The following ARL15 variants were observed in gnomAD, a reference collection of about 807,000 sequenced individuals.
The protein encoded by ARL15 is ARF like GTPase 15.
A neutral mutation model predicts 25.2 loss-of-function variants in ARL15; 19 were observed. The observed-to-expected ratio is 0.75, with a 90% CI of 0.53 to 1.10. The LOEUF is 1.10. Ranked by LOEUF, ARL15 falls within the 50% of genes least tolerant of loss-of-function variation. The pLI is 0.00. For synonymous variants in ARL15, 94 were observed against 86.8 expected, an observed-to-expected ratio of 1.08 and a Z score of -0.46; for missense variants, 220 against 246.0, an observed-to-expected ratio of 0.89 and a Z score of 0.71.
rs34358029 is a variant in ARL15, at chr5:54,017,587, GAAA to G, written c.462+95612_462+95614del. On this transcript the variant is annotated intron_variant, in intron 4 of 4. Coordinates refer to ENST00000504924, the MANE Select transcript of ARL15 (RefSeq NM_019087.3). ...TGGGGGAATCAGTGCCTTTGTGGAA[GAAA>G]AAAAAAAAAAAAAACCCAAACCAAA... is the stretch of plus-strand genomic sequence containing the variant. 4.8e-3 allele frequency among the ~76,000 whole-genome samples: 631 copies of G among 131,496 alleles called. 3 individuals carry two copies. Among genetic ancestry groups the G allele is most frequent in the African/African-American group, 0.013 (429 of 33,182 alleles). 86.3% of individuals were successfully genotyped at this position (131,496 alleles called of 152,430 possible). A position where few individuals can be genotyped will look rare whatever the true frequency, so the allele number is the denominator to read the frequency against.
At chr5:54,184,624 A>C in intron 1 of ARL15, among the ~76,000 whole-genome samples, 1 of 151,596 alleles carries the variant, frequency 6.6e-6, no homozygotes, top group Non-Finnish European at 1.5e-5. Flanking sequence ...ACAAAAAAAA[A>C]AAAAAAAAAA....
intron 4 of ARL15, among the ~76,000 whole-genome samples, chr5:54,063,781 C>T (rs1289405910): frequency 5.3e-5 from 8 of 152,116 alleles, no homozygotes; most frequent in Non-Finnish European, 1.2e-4. Flanking sequence ...TTACCACTTC[C>T]ATGTCTTGCA....
chr5:53,961,004 A>T (rs1747345525), intron 4 of ARL15, among the ~76,000 whole-genome samples: 1 of 152,148 alleles, frequency 6.6e-6, no homozygotes, highest in Non-Finnish European at 1.5e-5. Context: ...TCCAAATGTT[A>T]GGGCTCTAGG....
chr5:54,091,544 G>C (rs1489154993), intron 4 of ARL15, among the ~76,000 whole-genome samples: 2 of 152,142 alleles, frequency 1.3e-5, no homozygotes, highest in African/African-American at 4.8e-5. Context: ...AACAGATCCA[G>C]AGACTGTCTG....
chr5:53,984,311 T>C (rs952178335), intron 4 of ARL15, among the ~76,000 whole-genome samples: 7 of 152,166 alleles, frequency 4.6e-5, no homozygotes, highest in Non-Finnish European at 1.0e-4. Context: ...CACACTATTC[T>C]TGGTGTGGTC....
chr5:53,938,663 T>C (rs111573935), intron 4 of ARL15, among the ~76,000 whole-genome samples: 185 of 152,250 alleles, frequency 1.2e-3, no homozygotes, highest in African/African-American at 4.1e-3. Context: ...CTGTCTCTAC[T>C]AAAAATATAA....
At chr5:54,210,711 T>C (rs750698054) in intron 1 of ARL15, among the ~76,000 whole-genome samples, 25 of 152,242 alleles carry the variant, frequency 1.6e-4, no homozygotes, top group Non-Finnish European at 3.5e-4. Context: ...ATTATTTGAA[T>C]TGACTAATCC....
At chr5:53,933,642 CAAAAAAAAAAAA>C (rs34912827) in intron 4 of ARL15, among the ~76,000 whole-genome samples, 1 of 76,024 alleles carries the variant, frequency 1.3e-5, no homozygotes, top group Non-Finnish European at 2.3e-5. Flanking sequence ...GAGACTGTCT[CAAAAAAAAAAAA>C]AAAAAAAAAA....
intron 1 of ARL15, among the ~76,000 whole-genome samples, chr5:54,270,640 A>G (rs1757761921): frequency 6.6e-6 from 1 of 152,214 alleles, no homozygotes; most frequent in Non-Finnish European, 1.5e-5. Flanking sequence ...CCCTGCCCTC[A>G]TGGCCCTTCT....
At chr5:54,021,228 G>A (rs559098094) in intron 4 of ARL15, among the ~76,000 whole-genome samples, 12 of 151,002 alleles carry the variant, frequency 7.9e-5, no homozygotes, top group African/African-American at 1.7e-4. Context: ...CCAGGTACTT[G>A]GGAGGCTGAG....
At chr5:54,215,551 G>A (rs555750065) in intron 1 of ARL15, among the ~76,000 whole-genome samples, 3 of 142,714 alleles carry the variant, frequency 2.1e-5, no homozygotes, top group South Asian at 2.4e-4. Flanking sequence ...CTGAGAACTC[G>A]AAGCAATTTT....
intron 3 of ARL15, among the ~76,000 whole-genome samples, chr5:54,115,999 G>C (rs976508807): frequency 6.6e-6 from 1 of 152,146 alleles, no homozygotes; most frequent in African/African-American, 2.4e-5. Context: ...AAGCTAGAAT[G>C]GGGGAAGAAG....
chr5:54,291,588 A>G (rs1309975177), intron 1 of ARL15, among the ~76,000 whole-genome samples: 1 of 152,198 alleles, frequency 6.6e-6, no homozygotes, highest in Non-Finnish European at 1.5e-5. Flanking sequence ...ACTCTACTGA[A>G]TTAAATAAGC....
At chr5:53,930,004 A>G (rs530727489) in intron 4 of ARL15, among the ~76,000 whole-genome samples, 18 of 152,326 alleles carry the variant, frequency 1.2e-4, no homozygotes, top group Non-Finnish European at 1.5e-4. Flanking sequence ...ACTAATGAGA[A>G]GCCAAATAAT....
intron 1 of ARL15, among the ~76,000 whole-genome samples, chr5:54,262,807 T>C (rs1436883839): frequency 6.6e-6 from 1 of 152,230 alleles, no homozygotes; most frequent in Non-Finnish European, 1.5e-5. Flanking sequence ...TTTCCATTTG[T>C]CTTTCTTTCG....
intron 4 of ARL15, among the ~76,000 whole-genome samples, chr5:53,916,058 T>G (rs1281982538): frequency 6.6e-6 from 1 of 152,094 alleles, no homozygotes; most frequent in African/African-American, 2.4e-5. Flanking sequence ...AGGCACACAC[T>G]ATTGCACCTG....
intron 1 of ARL15, 184 bp downstream of exon 1, chr5:54,310,248 C>T: frequency 1.6e-6 from 1 of 633,048 alleles, no homozygotes; most frequent in Non-Finnish European, 2.6e-6. Flanking sequence ...AGCTCCACCA[C>T]CCACCCGCCC....
intron 4 of ARL15, among the ~76,000 whole-genome samples, chr5:53,974,838 T>A (rs1196014461): frequency 6.6e-6 from 1 of 152,230 alleles, no homozygotes; most frequent in East Asian, 1.9e-4. Flanking sequence ...TCATAGGTGA[T>A]GTATCCAAGA....
At chr5:54,203,011 C>G (rs985164930) in intron 1 of ARL15, among the ~76,000 whole-genome samples, 1 of 152,096 alleles carries the variant, frequency 6.6e-6, no homozygotes, top group Non-Finnish European at 1.5e-5. Context: ...CCATTCTATG[C>G]CATGATTTCA....
Sources: gnomAD v4.1 joint callset for allele counts (sites outside exome capture counted in the v4.1 genomes callset) on GRCh38, gnomAD v4.1.1 for gene constraint, MANE v1.5 for transcripts, NCBI Gene and HGNC (gene_info 2026-07-23, HGNC 2026-07-21) for gene names.